Variants in SP100 observed in about 807,000 individuals in gnomAD.
SP100 encodes the protein SP100 nuclear body protein, also known as nuclear autoantigen Sp-100.
SP100 carries 84 observed loss-of-function variants against 130.0 expected under a neutral mutation model. The ratio of observed to expected loss-of-function variants is 0.65; its 90% confidence interval spans 0.54 to 0.77. The LOEUF (loss-of-function observed/expected upper bound fraction) is 0.77, where lower values mean the gene tolerates loss of function less well. Ranked by LOEUF, SP100 falls within the 30% of genes least tolerant of loss-of-function variation. The pLI, the probability that SP100 is intolerant of heterozygous loss-of-function variation, is 0.00. For synonymous variants in SP100, 331 were observed against 351.7 expected, an observed-to-expected ratio of 0.94 and a Z score of 0.66; for missense variants, 978 against 1,052.2, an observed-to-expected ratio of 0.93 and a Z score of 0.97.
intron 19 of SP100, among the ~76,000 whole-genome samples, chr2:230,501,744 A>G (rs1034924919): frequency 6.6e-6 from 1 of 152,206 alleles, no homozygotes; most frequent in African/African-American, 2.4e-5. Flanking sequence ...AGACCTTAAG[A>G]AAGAGCATCC....
chr2:230,488,234 T>C (rs2066212119), intron 17 of SP100, among the ~76,000 whole-genome samples: 1 of 152,004 alleles, frequency 6.6e-6, no homozygotes, highest in Non-Finnish European at 1.5e-5. Context: ...TGAACGGGAG[T>C]GGAGAGAGAG....
At chr2:230,441,465 A>C (rs890976247) in intron 2 of SP100, among the ~76,000 whole-genome samples, 1 of 152,200 alleles carries the variant, frequency 6.6e-6, no homozygotes, top group African/African-American at 2.4e-5. Flanking sequence ...TATTTATACT[A>C]GTCTCAAAGT....
At chr2:230,438,472 ATGCCTT>A in intron 2 of SP100, among the ~76,000 whole-genome samples, 1 of 152,008 alleles carries the variant, frequency 6.6e-6, no homozygotes, top group East Asian at 1.9e-4. Context: ...TATCATTCTT[ATGCCTT>A]TGCATTCTCA....
intron 21 of SP100, among the ~76,000 whole-genome samples, chr2:230,504,757 G>A (rs770632152): frequency 3.3e-5 from 5 of 152,218 alleles, no homozygotes; most frequent in African/African-American, 4.8e-5. Flanking sequence ...TATCATTTGC[G>A]CAAACAGTTT....
chr2:230,496,833 T>C (rs898972346), intron 18 of SP100, among the ~76,000 whole-genome samples: 1 of 152,140 alleles, frequency 6.6e-6, no homozygotes, highest in African/African-American at 2.4e-5. Flanking sequence ...ACAGAATATC[T>C]CTCAAGAAGA....
intron 21 of SP100, among the ~76,000 whole-genome samples, chr2:230,504,610 T>G (rs2067216753): frequency 6.6e-6 from 1 of 152,144 alleles, no homozygotes; most frequent in Admixed American, 6.5e-5. Flanking sequence ...TGACAACACA[T>G]GTAAAATGTT....
chr2:230,417,366 C>G (rs555824157), intron 1 of SP100, among the ~76,000 whole-genome samples: 10 of 152,206 alleles, frequency 6.6e-5, no homozygotes, highest in Admixed American at 3.9e-4. Flanking sequence ...ACATGCTATT[C>G]CATAGAATTG....
In SP100 at chr2:230,504,229, T is replaced by G; in HGVS notation, c.1809T>G (p.Ser603=). The part of the protein sequence containing the change: ...PKDENINFKQ[S]ELPVTCGEVK... ...ATGAAAATATTAATTTTAAACAATC[T>G]GAACTTCCTGTGACCTGTGGTGAGG... The change falls in exon 21 of 29, where the codon TCT becomes TCG. Residue 603 remains serine (S), a synonymous_variant. Transcript: ENST00000340126. The G allele has an allele frequency of 6.2e-7, 1 of 1,613,096 alleles. No homozygotes were observed. Among genetic ancestry groups the G allele is most frequent in the Admixed American group, 1.7e-5 (1 of 59,962 alleles).
At chr2:230,531,217 C>T (rs922280452) in intron 24 of SP100, among the ~76,000 whole-genome samples, 5 of 152,158 alleles carry the variant, frequency 3.3e-5, no homozygotes, top group African/African-American at 1.2e-4. Flanking sequence ...GGCACATATA[C>T]ACCATGGAAT....
intron 2 of SP100, among the ~76,000 whole-genome samples, chr2:230,436,878 A>ACACACACATATATGTGTATC: frequency 6.6e-6 from 1 of 151,176 alleles, no homozygotes; most frequent in African/African-American, 2.5e-5. Flanking sequence ...ATATGTGTAT[A>ACACACACATATATGTGTATC]CACACACATA....
chr2:230,500,374 G>A (rs1369532688), intron 19 of SP100, among the ~76,000 whole-genome samples: 8 of 152,124 alleles, frequency 5.3e-5, no homozygotes, highest in African/African-American at 2.4e-5. Flanking sequence ...CCTCAGCCCT[G>A]ATGTCTCCAG....
rs1184136042 is a variant in SP100, at chr2:230,512,380, G to GCTGGATT, written c.2094+1216_2094+1222dup. ...TCTTGCCTCACTGCAACCTCTACCT[G>GCTGGATT]CTGGATTCAGGCAATTCTCCTGCCT... On this transcript the variant is annotated intron_variant, in intron 24 of 28. Coordinates refer to ENST00000340126, the MANE Select transcript of SP100 (RefSeq NM_001080391.2). Among the ~76,000 whole-genome samples the GCTGGATT allele has an allele frequency of 2.2e-5, 3 of 135,406 alleles. No individual in the cohort carries two copies. The East Asian group carries it at 6.9e-4, about 31-fold the overall frequency. The allele number at this position is 135,406 out of a possible 152,430, so 88.8% of individuals were successfully genotyped here.
chr2:230,426,502 G>A (rs1447030721), intron 2 of SP100, among the ~76,000 whole-genome samples: 2 of 143,708 alleles, frequency 1.4e-5, no homozygotes, highest in Non-Finnish European at 3.0e-5. Context: ...GGTTATTCAG[G>A]AATGTGTTGT....
intron 8 of SP100, 52 bp downstream of exon 8, chr2:230,450,307 T>C: frequency 1.4e-6 from 2 of 1,395,726 alleles, no homozygotes; most frequent in Non-Finnish European, 2.0e-6. Context: ...TCAGATGCTA[T>C]ACATTTGGTT....
At chr2:230,438,282 T>A (rs1035851029) in intron 2 of SP100, among the ~76,000 whole-genome samples, 1 of 152,166 alleles carries the variant, frequency 6.6e-6, no homozygotes, top group Non-Finnish European at 1.5e-5. Context: ...ATTTTGTCTT[T>A]ATTTCATTTC....
At chr2:230,462,554 G>T (rs375106618) in intron 10 of SP100, 36 bp downstream of exon 10, 3 of 1,490,984 alleles carry the variant, frequency 2.0e-6, no homozygotes, top group Admixed American at 1.7e-5. Flanking sequence ...TTGGGCTGTG[G>T]GAATCTGATT....
At chr2:230,462,357 C>G (rs2149967598) in intron 9 of SP100, 78 bp from the exon 10 acceptor site, 1 of 1,126,078 alleles carries the variant, frequency 8.9e-7, no homozygotes, top group Non-Finnish European at 1.3e-6. Context: ...TCCTAGTGCT[C>G]TCATTGTGGA....
chr2:230,448,844 C>T (rs113380997), intron 5 of SP100, among the ~76,000 whole-genome samples: 9 of 152,246 alleles, frequency 5.9e-5, no homozygotes, highest in African/African-American at 1.9e-4. Flanking sequence ...ACAGAGGACA[C>T]GCAGCAGAGT....
intron 2 of SP100, among the ~76,000 whole-genome samples, chr2:230,426,480 C>G (rs2062936256): frequency 6.6e-6 from 1 of 151,770 alleles, no homozygotes; most frequent in Admixed American, 6.6e-5. Flanking sequence ...TTGGCTTCTT[C>G]TTTGATCTAT....
Sources: gnomAD v4.1 joint callset for allele counts (sites outside exome capture counted in the v4.1 genomes callset) on GRCh38, gnomAD v4.1.1 for gene constraint, MANE v1.5 for transcripts, NCBI Gene and HGNC (gene_info 2026-07-23, HGNC 2026-07-21) for gene names.